ADAMTS17: variants seen among roughly 807,000 people sequenced by gnomAD.
ADAMTS17 encodes ADAM metallopeptidase with thrombospondin type 1 motif 17.
Under a neutral mutation model 141.5 loss-of-function variants are expected in ADAMTS17, and 113 were observed. The ratio of observed to expected loss-of-function variants is 0.80; its 90% CI spans 0.69 to 0.93. The LOEUF (loss-of-function observed/expected upper bound fraction) is 0.93. Ranked by LOEUF, ADAMTS17 falls within the 40% of genes least tolerant of loss-of-function variation. The pLI, the probability that ADAMTS17 is intolerant of heterozygous loss-of-function variation, is 0.00. For missense variants in ADAMTS17, 1,659 were observed against 1,517.9 expected, an observed-to-expected ratio of 1.09 and a Z score of -1.54; for synonymous variants, 768 against 630.6, an observed-to-expected ratio of 1.22 and a Z score of -3.27.
chr15:100,320,535 T>G lies in ADAMTS17; in HGVS notation c.616+10354A>C, dbSNP rs138255966. 1.4e-3 allele frequency among the ~76,000 whole-genome samples: 209 copies of G among 152,264 alleles called. 1 individual carries two copies. Among genetic ancestry groups the G allele is most frequent in the Non-Finnish European group, 2.1e-3 (140 of 68,020 alleles). The stretch of plus-strand genomic sequence containing the variant: ...ATTCCACATTTGGATAAATCGTCAC[T>G]AAGAATAAGGGCGGAGGCTGAACAC... On this transcript the variant is annotated intron_variant, in intron 3 of 21. Coordinates refer to ENST00000268070, the MANE Select transcript of ADAMTS17 (RefSeq NM_139057.4).
At chr15:100,117,189 C>T (rs1435011172) in intron 12 of ADAMTS17, among the ~76,000 whole-genome samples, 176 bp from the exon 13 acceptor site, 1 of 152,134 alleles carries the variant, frequency 6.6e-6, no homozygotes, top group Non-Finnish European at 1.5e-5. Context: ...ACACTGCCGG[C>T]ATGTTTAAGT....
At chr15:100,333,097 C>T (rs1316088203) in intron 2 of ADAMTS17, among the ~76,000 whole-genome samples, 1 of 152,174 alleles carries the variant, frequency 6.6e-6, no homozygotes, top group Non-Finnish European at 1.5e-5. Context: ...AAATACCCAC[C>T]AGCCTTCCTT....
intron 8 of ADAMTS17, among the ~76,000 whole-genome samples, chr15:100,156,543 T>C (rs902419517): frequency 6.6e-6 from 1 of 152,218 alleles, no homozygotes. Context: ...AGGGGGGGCA[T>C]CCTTACCAAT....
At position 100,112,116 on chromosome 15, in the gene ADAMTS17, C is replaced by G. The variant is rs138320624; in HGVS notation, c.1889-3000G>C. On this transcript the variant is annotated intron_variant, in intron 13 of 21. Transcript: ENST00000268070. ...GCTGTTTTGAGGCAAGTTAGAAAGG[C>G]CAGACTTCAAAGGGATGAAGGCTGT... Among the ~76,000 whole-genome samples, 30 of 152,302 alleles carry G rather than the reference C, an allele frequency of 2.0e-4. No individual in the cohort carries two copies. In the East Asian group the frequency reaches 5.6e-3, roughly 28 times the overall value.
At chr15:100,310,024 A>T (rs2045352713) in intron 3 of ADAMTS17, among the ~76,000 whole-genome samples, 1 of 152,242 alleles carries the variant, frequency 6.6e-6, no homozygotes, top group Admixed American at 6.5e-5. Context: ...TGCTCTTGTC[A>T]CTGCAACAGC....
At chr15:100,037,038 G>GT (rs890223484) in intron 18 of ADAMTS17, among the ~76,000 whole-genome samples, 3 of 152,170 alleles carry the variant, frequency 2.0e-5, no homozygotes, top group African/African-American at 7.2e-5. Flanking sequence ...AAGCTCTTGT[G>GT]TGGACATGTT....
At chr15:100,209,416 A>G (rs1454758388) in intron 7 of ADAMTS17, among the ~76,000 whole-genome samples, 2 of 152,134 alleles carry the variant, frequency 1.3e-5, no homozygotes, top group African/African-American at 4.8e-5. Flanking sequence ...GCAGGGCATC[A>G]CGGCCCCTCC....
chr15:99,975,249 G>T (rs951566642), intron 21 of ADAMTS17, among the ~76,000 whole-genome samples: 3 of 152,210 alleles, frequency 2.0e-5, no homozygotes, highest in Non-Finnish European at 4.4e-5. Flanking sequence ...TTACTCTGTT[G>T]CCCAGGCTGG....
rs900078739 is a variant in ADAMTS17 at position 100,065,903 on chromosome 15, A to G, written c.2138-11849T>C. Reference sequence around the variant, plus strand: ...CACCCCTCAACAGGCTGGGGGGTGTATGTGATGTTCCCCTCTCTGTATCCA... The same window carrying G: ...CACCCCTCAACAGGCTGGGGGGTGTGTGTGATGTTCCCCTCTCTGTATCCA... On this transcript the variant is annotated intron_variant, in intron 15 of 21. Coordinates refer to ENST00000268070, the MANE Select transcript of ADAMTS17 (RefSeq NM_139057.4). 3.9e-5 allele frequency among the ~76,000 whole-genome samples: 6 copies of G among 152,158 alleles called. No individual in the cohort carries two copies. The East Asian group carries it at 1.2e-3, about 29-fold the overall frequency.
At chr15:100,230,400 T>C (rs907879322) in intron 7 of ADAMTS17, among the ~76,000 whole-genome samples, 2 of 151,918 alleles carry the variant, frequency 1.3e-5, no homozygotes, top group Non-Finnish European at 2.9e-5. Flanking sequence ...TGGTACAGAG[T>C]TGGAGGAGAA....
chr15:99,974,132 G>A lies in ADAMTS17; in HGVS notation c.*270C>T. 1.9e-6 allele frequency: 1 copy of A among 526,838 alleles called. No individual in the cohort carries two copies. Among genetic ancestry groups the A allele is most frequent in the Non-Finnish European group, 3.4e-6 (1 of 290,716 alleles). The allele number at this position is 526,838 out of a possible 1,614,324, so 32.6% of individuals were successfully genotyped here. A position where few individuals can be genotyped will look rare whatever the true frequency, so the allele number is the denominator to read the frequency against. On this transcript the variant is annotated 3_prime_UTR_variant, in exon 22 of 22. Coordinates refer to ENST00000268070, the MANE Select transcript of ADAMTS17 (RefSeq NM_139057.4). ...CTCTTGACGGTTGTCTGCCAGAGGT[G>A]CTTCCCTTCGAGGTACCTGAAATCC...
intron 8 of ADAMTS17, among the ~76,000 whole-genome samples, chr15:100,187,994 G>C (rs942125815): frequency 2.0e-5 from 3 of 152,164 alleles, no homozygotes; most frequent in African/African-American, 7.2e-5. Context: ...TAAGGTGGGA[G>C]GGGCACTTGA....
chr15:100,008,968 T>C (rs1472714168), intron 18 of ADAMTS17, among the ~76,000 whole-genome samples: 3 of 152,166 alleles, frequency 2.0e-5, no homozygotes, highest in Non-Finnish European at 4.4e-5. Flanking sequence ...GCCTACTGCA[T>C]AGCTGGGACG....
chr15:100,159,319 G>A (rs1423801885), intron 8 of ADAMTS17, among the ~76,000 whole-genome samples: 2 of 152,172 alleles, frequency 1.3e-5, no homozygotes, highest in Non-Finnish European at 2.9e-5. Flanking sequence ...GCAACAACAT[G>A]GGTGAACCTT....
chr15:100,073,022 C>T (rs574331637), intron 15 of ADAMTS17, among the ~76,000 whole-genome samples: 10 of 152,222 alleles, frequency 6.6e-5, no homozygotes, highest in African/African-American at 2.4e-4. Context: ...ACTCATCTGA[C>T]AAAGGGCTAA....
At chr15:100,140,488 C>CATACATATATATATATATATAT (rs1386955753) in intron 10 of ADAMTS17, among the ~76,000 whole-genome samples, 3 of 124,934 alleles carry the variant, frequency 2.4e-5, no homozygotes, top group Non-Finnish European at 3.5e-5. Flanking sequence ...CACATACATA[C>CATACATATATATATATATATAT]ATATATATAT....
Position 100,097,463 on chromosome 15 carries a change from C to T in ADAMTS17, c.2017-987G>A, listed in dbSNP as rs117947287. On this transcript the variant is annotated intron_variant, in intron 14 of 21. Transcript: ENST00000268070. Reference sequence around the variant, plus strand: ...GTGATGCCTGGACGAGAAGCAGCACCGTGCTTCCCCCTCACAGGTACTCCC... The same window carrying T: ...GTGATGCCTGGACGAGAAGCAGCACTGTGCTTCCCCCTCACAGGTACTCCC... Among the ~76,000 whole-genome samples, 141 of 152,316 alleles carry T rather than the reference C, an allele frequency of 9.3e-4. 1 individual carries two copies. The East Asian group carries it at 0.017, about 18-fold the overall frequency.
chr15:100,330,986 G>A lies in ADAMTS17; in HGVS notation c.519C>T (p.Phe173=). 1 of 1,614,202 alleles carries A rather than the reference G, an allele frequency of 6.2e-7. No homozygotes were observed. The highest frequency in any genetic ancestry group is 8.5e-7 in the Non-Finnish European group (1 of 1,180,040). The change falls in exon 3 of 22, where the codon TTC becomes TTT. Residue 173 remains phenylalanine (F), a synonymous_variant. Coordinates refer to ENST00000268070, the MANE Select transcript of ADAMTS17 (RefSeq NM_139057.4). The stretch of plus-strand genomic sequence containing the variant: ...GCCTGATCAGATGTTCTCGTCCACT[G>A]AATGGGCCCTGGGAGTTGTTGAGGG... ...IQPLNNSQGP[F]SGREHLIRRK...
chr15:100,176,265 T>C, intron 8 of ADAMTS17, among the ~76,000 whole-genome samples: 1 of 152,206 alleles, frequency 6.6e-6, no homozygotes, highest in East Asian at 1.9e-4. Context: ...AAGGGCTCTA[T>C]CAGTGCTGCT....
Sources: allele counts gnomAD v4.1 joint callset (sites outside exome capture counted in the v4.1 genomes callset), GRCh38; gene constraint gnomAD v4.1.1; transcripts MANE v1.5; gene names NCBI Gene and HGNC (gene_info 2026-07-23, HGNC 2026-07-21).